Variants in MED27 observed in about 807,000 individuals in gnomAD.
The protein encoded by MED27 is mediator complex subunit 27.
Under a neutral mutation model 38.2 loss-of-function variants are expected in MED27, and 30 were observed. The observed-to-expected ratio is 0.79, with a 90% confidence interval of 0.59 to 1.07. The LOEUF (loss-of-function observed/expected upper bound fraction) is 1.07. Among genes scored for constraint, MED27 ranks in the 50% least tolerant of loss-of-function variants. The pLI, the probability that MED27 is intolerant of heterozygous loss-of-function variation, is 0.00. For synonymous variants in MED27, 122 were observed against 153.5 expected (o/e 0.79, Z 1.52); for missense variants, 289 against 397.5 (o/e 0.73, Z 2.32).
At chr9:131,958,324 A>C (rs1211069576) in intron 3 of MED27, among the ~76,000 whole-genome samples, 1 of 150,652 alleles carries the variant, frequency 6.6e-6, no homozygotes, top group African/African-American at 2.4e-5. Flanking sequence ...AGCTCACTGC[A>C]CACCTCCGCC....
Position 131,860,466 on chromosome 9 carries a change from G to C in MED27, c.*72C>G, listed in dbSNP as rs1033126503. On this transcript the variant is annotated 3_prime_UTR_variant, in exon 8 of 8. Transcript: ENST00000292035. This position sits in a 1 kb window ranked among gnomAD's most constrained non-coding sequence, Gnocchi z 5.8. ...ACATCTGGGCAGTGAGGAACCAGCT[G>C]AGCCTTCTGTGGGCTTCCTGCGTGT... 1 of 1,450,206 alleles carries C rather than the reference G, an allele frequency of 6.9e-7. No homozygotes were observed. The highest frequency in any genetic ancestry group is 1.4e-5 in the African/African-American group (1 of 69,344). 89.8% of individuals were successfully genotyped at this position (1,450,206 alleles called of 1,614,324 possible).
rs1343009208 is a variant in MED27 at position 131,889,585 on chromosome 9, T to C, written c.681+4300A>G. ...CTATTGGTCCTTGGTATCAAAAATA[T>C]GCATTGCAGGTAAAGAGACAGGATG... On this transcript the variant is annotated intron_variant, in intron 5 of 7. Transcript: ENST00000292035. This position sits in a 1 kb window ranked among gnomAD's most constrained non-coding sequence, Gnocchi z 4.2. Among the ~76,000 whole-genome samples, 2 of 152,218 alleles carry C rather than the reference T, an allele frequency of 1.3e-5. No homozygotes were observed. Among genetic ancestry groups the C allele is most frequent in the Non-Finnish European group, 2.9e-5 (2 of 68,034 alleles).
intron 3 of MED27, among the ~76,000 whole-genome samples, chr9:132,007,314 G>T (rs556606521): frequency 1.3e-5 from 2 of 152,162 alleles, no homozygotes; most frequent in African/African-American, 4.8e-5. Flanking sequence ...AAATGCAAAC[G>T]CTGAGGAAAT....
intron 2 of MED27, among the ~76,000 whole-genome samples, chr9:132,044,223 C>G (rs1833283032): frequency 6.6e-6 from 1 of 152,154 alleles, no homozygotes; most frequent in South Asian, 2.1e-4. Flanking sequence ...GCTGAGGGAC[C>G]TGACATGGGC....
intron 4 of MED27, among the ~76,000 whole-genome samples, chr9:131,916,327 C>T (rs1250665027): frequency 6.6e-6 from 1 of 152,190 alleles, no homozygotes; most frequent in African/African-American, 2.4e-5. Flanking sequence ...TAATGAGATT[C>T]AATTGCTATG....
At chr9:131,949,875 T>C (rs1830955767) in intron 3 of MED27, among the ~76,000 whole-genome samples, 1 of 152,176 alleles carries the variant, frequency 6.6e-6, no homozygotes, top group South Asian at 2.1e-4. Context: ...TTTGATTTTG[T>C]GACTCTCAAT....
chr9:132,070,340 G>A (rs906386465), intron 2 of MED27, among the ~76,000 whole-genome samples: 1 of 152,224 alleles, frequency 6.6e-6, no homozygotes, highest in East Asian at 1.9e-4. Context: ...AGGATGGCTT[G>A]AACCTAGGAG....
At chr9:131,978,603 G>A (rs537718557) in intron 3 of MED27, among the ~76,000 whole-genome samples, 13 of 152,210 alleles carry the variant, frequency 8.5e-5, no homozygotes, top group African/African-American at 9.6e-5. Flanking sequence ...GATGGATGCC[G>A]GAGTCCATAT....
intron 3 of MED27, among the ~76,000 whole-genome samples, chr9:131,941,769 C>T (rs57484448): frequency 0.036 from 5,319 of 148,906 alleles, 333 homozygotes; most frequent in African/African-American, 0.13. Context: ...TGAACTTGCT[C>T]AGAAAGAATG....
intron 6 of MED27, among the ~76,000 whole-genome samples, chr9:131,875,285 T>A (rs746117449): frequency 3.3e-5 from 5 of 152,046 alleles, no homozygotes; most frequent in Non-Finnish European, 7.4e-5. Flanking sequence ...GCTCACTTTG[T>A]GACCAGAAGA....
chr9:131,994,687 G>C (rs896062976), intron 3 of MED27, among the ~76,000 whole-genome samples: 1 of 152,096 alleles, frequency 6.6e-6, no homozygotes, highest in Non-Finnish European at 1.5e-5. Flanking sequence ...TTCTATCCCA[G>C]TCAAAAACAA....
At chr9:131,967,414 C>T (rs1332312456) in intron 3 of MED27, among the ~76,000 whole-genome samples, 1 of 152,046 alleles carries the variant, frequency 6.6e-6, no homozygotes, top group Non-Finnish European at 1.5e-5. Context: ...AAAGTGATTA[C>T]TTCTGCTTTC....
chr9:131,996,953 AT>A (rs1266709001), intron 3 of MED27, among the ~76,000 whole-genome samples: 1 of 152,242 alleles, frequency 6.6e-6, no homozygotes, highest in African/African-American at 2.4e-5. Flanking sequence ...TTAATCAACT[AT>A]GCCATTGGTA....
chr9:131,894,050 G>C (rs1829779460), intron 4 of MED27, 58 bp from the exon 5 acceptor site: 1 of 1,405,578 alleles, frequency 7.1e-7, no homozygotes, highest in South Asian at 1.2e-5. Context: ...AGTTGGGCAG[G>C]GGTGTGAGAA....
intron 4 of MED27, among the ~76,000 whole-genome samples, chr9:131,934,560 C>T (rs998756064): frequency 5.3e-5 from 8 of 152,122 alleles, no homozygotes; most frequent in African/African-American, 1.9e-4. Context: ...CGGGCAATAA[C>T]AAATGCTGGT....
At chr9:131,988,368 T>A (rs1453657980) in intron 3 of MED27, among the ~76,000 whole-genome samples, 1 of 151,958 alleles carries the variant, frequency 6.6e-6, no homozygotes, top group African/African-American at 2.4e-5. Flanking sequence ...ACAACGAGGG[T>A]TTGAACCGCA....
chr9:132,050,562 A>G (rs566996795), intron 2 of MED27, among the ~76,000 whole-genome samples: 1 of 152,380 alleles, frequency 6.6e-6, no homozygotes, highest in East Asian at 1.9e-4. Context: ...GGAAATCAAT[A>G]TAAGTTATAG....
Position 131,883,291 on chromosome 9 carries a change from C to T in MED27, c.723+767G>A, listed in dbSNP as rs893559632. ...GAAGATGGATGAGAACAGAAGAAGC[C>T]GGCTGCTGCCCTGCAGGGAGCTGGC... On this transcript the variant is annotated intron_variant, in intron 6 of 7. Coordinates refer to ENST00000292035, the MANE Select transcript of MED27 (RefSeq NM_004269.4). The surrounding 1 kb of genome is among the most constrained non-coding windows in gnomAD (Gnocchi z 4.2). Among the ~76,000 whole-genome samples, 2 of 152,088 alleles carry T rather than the reference C, an allele frequency of 1.3e-5. No homozygotes were observed. The highest frequency in any genetic ancestry group is 2.4e-5 in the African/African-American group (1 of 41,394).
chr9:132,035,127 C>A (rs1488227125), intron 2 of MED27, among the ~76,000 whole-genome samples: 5 of 152,288 alleles, frequency 3.3e-5, no homozygotes, highest in Middle Eastern at 3.4e-3. Flanking sequence ...GGTGTTCCTA[C>A]AACCCACACC....
Sources: gnomAD v4.1 joint callset for allele counts (sites outside exome capture counted in the v4.1 genomes callset) on GRCh38, gnomAD v4.1.1 for gene constraint, Gnocchi (gnomAD v3.1) non-coding constraint, MANE v1.5 for transcripts, NCBI Gene and HGNC (gene_info 2026-07-23, HGNC 2026-07-21) for gene names.